The following INPP1 variants were observed in gnomAD, a reference collection of about 807,000 sequenced individuals.
The protein encoded by INPP1 is inositol polyphosphate-1-phosphatase, also known as inositol polyphosphate 1-phosphatase.
A neutral mutation model predicts 23.0 loss-of-function variants in INPP1; 18 were observed. The observed-to-expected ratio is 0.78, with a 90% CI of 0.54 to 1.16. The LOEUF (loss-of-function observed/expected upper bound fraction) is 1.16, where lower values mean the gene tolerates loss of function less well. INPP1 is among the 50% of genes most tolerant of loss of function. INPP1 has a pLI of 0.00. For synonymous variants in INPP1, 164 were observed against 176.3 expected (o/e 0.93, Z 0.55); for missense variants, 448 against 482.1 (o/e 0.93, Z 0.66).
At chr2:190,357,030 C>T (rs1333567680) in intron 2 of INPP1, among the ~76,000 whole-genome samples, 2 of 152,056 alleles carry the variant, frequency 1.3e-5, no homozygotes, top group Non-Finnish European at 2.9e-5. Context: ...GGCAACGTGC[C>T]GCAGCTTTAT....
In INPP1 at chr2:190,367,594, C is replaced by T. The variant is rs1689706090; in HGVS notation, c.466+699C>T. Among the ~76,000 whole-genome samples the T allele has an allele frequency of 6.6e-6, 1 of 152,102 alleles. No individual in the cohort carries two copies. Among genetic ancestry groups the T allele is most frequent in the Non-Finnish European group, 1.5e-5 (1 of 68,032 alleles). ...GACAGAGTCTCGTGTTGCACACAGG[C>T]TGGAGTGCAGTGGCACAGTCAGAAC... is the stretch of plus-strand genomic sequence containing the variant. On this transcript the variant is annotated intron_variant, in intron 5 of 6. Coordinates refer to ENST00000392329, the MANE Select transcript of INPP1 (RefSeq NM_001128928.2). The surrounding 1 kb of genome is among the most constrained non-coding windows in gnomAD (Gnocchi z 4.1).
chr2:190,362,378 A>AG (rs1689551543), intron 3 of INPP1, among the ~76,000 whole-genome samples: 1 of 152,218 alleles, frequency 6.6e-6, no homozygotes, highest in African/African-American at 2.4e-5. Context: ...ACAGGACATA[A>AG]GGGAACCAGG....
intron 2 of INPP1, among the ~76,000 whole-genome samples, chr2:190,353,897 GAA>G (rs1689369319): frequency 6.6e-6 from 1 of 152,192 alleles, no homozygotes; most frequent in Non-Finnish European, 1.5e-5. Context: ...GGGTTTCCAA[GAA>G]AAGTCTTAAG....
chr2:190,357,178 C>T (rs1336044239), intron 2 of INPP1, among the ~76,000 whole-genome samples: 2 of 152,154 alleles, frequency 1.3e-5, no homozygotes, highest in Non-Finnish European at 2.9e-5. Flanking sequence ...TTTTCTATCA[C>T]CTGAAAGCTT....
At chr2:190,366,180 G>GCT (rs59909447) in intron 4 of INPP1, among the ~76,000 whole-genome samples, 2 of 138,992 alleles carry the variant, frequency 1.4e-5, no homozygotes, top group African/African-American at 2.6e-5. Context: ...TTTGTCTCTT[G>GCT]CTCTCTGTCT....
chr2:190,369,173 TC>T lies in INPP1; in HGVS notation c.538del (p.Gln180SerfsTer6), dbSNP rs1689749407. The T allele has an allele frequency of 6.2e-7, 1 of 1,609,620 alleles. No individual in the cohort carries two copies. Among genetic ancestry groups the T allele is most frequent in the African/African-American group, 1.3e-5 (1 of 74,878 alleles). ...ACCAGGGAATCTTCCCCTGTGGACTTCAGTGTGTCACCATTTTAATTGGTGT... is the reference window on the plus strand; with the variant it reads ...ACCAGGGAATCTTCCCCTGTGGACTTAGTGTGTCACCATTTTAATTGGTGT... ...SNQGIFPCGLQCVTILIGVYD... is the reference protein window; with the variant it reads ...SNQGIFPCGLXCVTILIGVYD... On this transcript the variant is annotated frameshift_variant, in exon 6 of 7. Transcript: ENST00000392329. LOFTEE classifies it high-confidence loss of function.
chr2:190,362,848 G>A (rs1689562093), intron 4 of INPP1, 161 bp downstream of exon 4: 1 of 448,950 alleles, frequency 2.2e-6, no homozygotes, highest in Non-Finnish European at 4.0e-6. Context: ...AGAATATCAT[G>A]CCATTTAACT....
In INPP1 at chr2:190,368,935, C is replaced by T; in HGVS notation, c.467-168C>T. The T allele has an allele frequency of 2.4e-6, 1 of 422,616 alleles. No individual in the cohort carries two copies. 26.2% of individuals were successfully genotyped at this position (422,616 alleles called of 1,614,324 possible). On this transcript the variant is annotated intron_variant, in intron 5 of 6. Coordinates refer to ENST00000392329, the MANE Select transcript of INPP1 (RefSeq NM_001128928.2). This position sits in a 1 kb window ranked among gnomAD's most constrained non-coding sequence, Gnocchi z 4.3. ...TTCTCACAGTCAGGAAAATGAAACA[C>T]AAGCAATTTAAAAGTAAAGTACAAG...
intron 2 of INPP1, among the ~76,000 whole-genome samples, chr2:190,359,090 A>G (rs1454964806): frequency 4.6e-5 from 7 of 152,138 alleles, no homozygotes; most frequent in African/African-American, 1.7e-4. Context: ...ACTTGAGCGC[A>G]AGAGTTTGAG....
chr2:190,362,685 G>T lies in INPP1; in HGVS notation c.263G>T (p.Trp88Leu). Residue 88 changes from tryptophan (W) to leucine (L), a missense_variant and splice_region_variant, in exon 4 of 7, where the codon TGG becomes TTG. Physicochemically the swap from Trp to Leu is moderately conservative, Grantham distance 61. Coordinates refer to ENST00000392329, the MANE Select transcript of INPP1 (RefSeq NM_001128928.2). ...GEESNEFTND[W>L]GEKITLRLCS... ...GAATCCAATGAGTTTACTAATGACTGGGGTAAGTATAAGAATCTTAATGTG... is the reference window on the plus strand; with the variant it reads ...GAATCCAATGAGTTTACTAATGACTTGGGTAAGTATAAGAATCTTAATGTG... 1 of 1,582,182 alleles carries T rather than the reference G, an allele frequency of 6.3e-7. No homozygotes were observed. The highest frequency in any genetic ancestry group is 8.7e-7 in the Non-Finnish European group (1 of 1,153,552).
chr2:190,362,646 A>G lies in INPP1; in HGVS notation c.224A>G (p.Asn75Ser), dbSNP rs752389803. Residue 75 changes from asparagine (N) to serine (S), a missense_variant, in exon 4 of 7, where the codon AAT becomes AGT. Transcript: ENST00000392329. ...MENKFPGLEK[N>S]IFGEESNEFT... The stretch of plus-strand genomic sequence containing the variant: ...ATTCAGTTTCCAGGCTTGGAAAAAA[A>G]TATTTTTGGAGAAGAATCCAATGAG... The G allele has an allele frequency of 5.0e-6, 8 of 1,608,214 alleles. 1 individual carries two copies. In the South Asian group the frequency reaches 8.9e-5, roughly 18 times the overall value.
rs1689735812 is a variant in INPP1, at chr2:190,368,772, G to T, written c.467-331G>T. 6.1e-6 allele frequency: 1 copy of T among 164,850 alleles called. No individual in the cohort carries two copies. Among genetic ancestry groups the T allele is most frequent in the African/African-American group, 2.4e-5 (1 of 41,938 alleles). The allele number at this position is 164,850 out of a possible 1,614,324, so 10.2% of individuals were successfully genotyped here. A position where few individuals can be genotyped will look rare whatever the true frequency, so the allele number is the denominator to read the frequency against. ...CATTGTACTAGTCCTCTGATTAGTA[G>T]TATTTCTAAAATAATCCCACCAATT... On this transcript the variant is annotated intron_variant, in intron 5 of 6. Coordinates refer to ENST00000392329, the MANE Select transcript of INPP1 (RefSeq NM_001128928.2). The surrounding 1 kb of genome is among the most constrained non-coding windows in gnomAD (Gnocchi z 4.3).
At chr2:190,364,078 C>T (rs1314278609) in intron 4 of INPP1, among the ~76,000 whole-genome samples, 1 of 152,104 alleles carries the variant, frequency 6.6e-6, no homozygotes, top group East Asian at 1.9e-4. Flanking sequence ...AGTAAGTAGC[C>T]ATTATTAGCT....
rs1689727326 is a variant in INPP1, at chr2:190,368,426, A to C, written c.467-677A>C. Among the ~76,000 whole-genome samples, 1 of 152,126 alleles carries C rather than the reference A, an allele frequency of 6.6e-6. No homozygotes were observed. Among genetic ancestry groups the C allele is most frequent in the African/African-American group, 2.4e-5 (1 of 41,432 alleles). ...GACCAAATAATAATAGTAAAAGATAATATTACCTGTGACCTATTACAGGAG... is the reference window on the plus strand; with the variant it reads ...GACCAAATAATAATAGTAAAAGATACTATTACCTGTGACCTATTACAGGAG... On this transcript the variant is annotated intron_variant, in intron 5 of 6. Transcript: ENST00000392329. This position sits in a 1 kb window ranked among gnomAD's most constrained non-coding sequence, Gnocchi z 4.3.
chr2:190,357,901 T>C (rs1559081856), intron 2 of INPP1, among the ~76,000 whole-genome samples: 1 of 152,202 alleles, frequency 6.6e-6, no homozygotes. Flanking sequence ...CTTTTATTAC[T>C]ACTGAGACTA....
At chr2:190,351,937 G>T (rs760251873) in intron 2 of INPP1, among the ~76,000 whole-genome samples, 1 of 152,186 alleles carries the variant, frequency 6.6e-6, no homozygotes, top group African/African-American at 2.4e-5. Flanking sequence ...AAGAGTTTCT[G>T]TTGCTCCATA....
chr2:190,349,718 A>G (rs1689290110), intron 2 of INPP1, among the ~76,000 whole-genome samples: 1 of 147,132 alleles, frequency 6.8e-6, no homozygotes, highest in African/African-American at 2.5e-5. Context: ...ACTTAAGCAT[A>G]TACTGTAGTT....
At chr2:190,361,701 C>T (rs1186920907) in intron 3 of INPP1, among the ~76,000 whole-genome samples, 1 of 152,094 alleles carries the variant, frequency 6.6e-6, no homozygotes, top group Non-Finnish European at 1.5e-5. Flanking sequence ...AGGCTTTTGT[C>T]TTGTAATCTC....
chr2:190,347,798 A>G (rs1175997164), intron 1 of INPP1, among the ~76,000 whole-genome samples: 1 of 152,240 alleles, frequency 6.6e-6, no homozygotes, highest in African/African-American at 2.4e-5. Flanking sequence ...TAAGGAAAGC[A>G]TAACTTAAAT....
Sources: allele counts gnomAD v4.1 joint callset (sites outside exome capture counted in the v4.1 genomes callset), GRCh38; gene constraint gnomAD v4.1.1; non-coding constraint Gnocchi (gnomAD v3.1); transcripts MANE v1.5; gene names NCBI Gene and HGNC (gene_info 2026-07-23, HGNC 2026-07-21).